The following CXADR variants were observed in gnomAD, a reference collection of about 807,000 sequenced individuals.
CXADR encodes coxsackievirus and adenovirus receptor.
Under a neutral mutation model 40.3 loss-of-function variants are expected in CXADR, and 20 were observed. That is an observed-to-expected ratio of 0.50 (90% CI 0.35 to 0.72). The LOEUF (loss-of-function observed/expected upper bound fraction) is 0.72. Among genes scored for constraint, CXADR ranks in the 30% least tolerant of loss-of-function variants. CXADR has a pLI of 0.01. For synonymous variants in CXADR, 150 were observed against 161.3 expected (o/e 0.93, Z 0.53); for missense variants, 332 against 449.1 (o/e 0.74, Z 2.36).
intron 3 of CXADR, among the ~76,000 whole-genome samples, chr21:17,552,242 A>G (rs1416134476): frequency 6.6e-6 from 1 of 152,180 alleles, no homozygotes; most frequent in Non-Finnish European, 1.5e-5. Flanking sequence ...TAGGAGATCT[A>G]GGGTTTTTGC....
intron 3 of CXADR, among the ~76,000 whole-genome samples, chr21:17,553,800 G>A (rs2061000634): frequency 6.6e-6 from 1 of 151,776 alleles, no homozygotes; most frequent in South Asian, 2.1e-4. Flanking sequence ...TTTATTTTTG[G>A]TAGAGACGGG....
At chr21:17,545,057 A>AT (rs2060877071) in intron 1 of CXADR, among the ~76,000 whole-genome samples, 1 of 132,404 alleles carries the variant, frequency 7.6e-6, no homozygotes. Context: ...TTTACTCCTA[A>AT]TTTTGCTCTA....
At chr21:17,529,796 A>G (rs1459843460) in intron 1 of CXADR, among the ~76,000 whole-genome samples, 1 of 152,100 alleles carries the variant, frequency 6.6e-6, no homozygotes, top group Non-Finnish European at 1.5e-5. Flanking sequence ...TTAGACCATT[A>G]ATTTTTATAA....
chr21:17,525,513 C>G (rs2060588181), intron 1 of CXADR, among the ~76,000 whole-genome samples: 2 of 152,302 alleles, frequency 1.3e-5, no homozygotes, highest in South Asian at 4.1e-4. Context: ...CACTTATTCT[C>G]TTCAGTCTCT....
rs986353834 is a variant in CXADR, at chr21:17,563,003, C to T, written c.833+1527C>T. Reference sequence around the variant, plus strand: ...TTTCTCCATATCAGCAATAAGACTGCTTCACTTTCTTATCGTTCACGTGTT... The same window carrying T: ...TTTCTCCATATCAGCAATAAGACTGTTTCACTTTCTTATCGTTCACGTGTT... On this transcript the variant is annotated intron_variant, in intron 6 of 6. Coordinates refer to ENST00000284878, the MANE Select transcript of CXADR (RefSeq NM_001338.5). Among the ~76,000 whole-genome samples the T allele has an allele frequency of 4.6e-5, 7 of 152,320 alleles. No individual in the cohort carries two copies. In the East Asian group the frequency reaches 1.4e-3, roughly 29 times the overall value.
At chr21:17,520,465 T>C (rs1474933036) in intron 1 of CXADR, among the ~76,000 whole-genome samples, 1 of 152,154 alleles carries the variant, frequency 6.6e-6, no homozygotes, top group Non-Finnish European at 1.5e-5. Flanking sequence ...TGACCACGTT[T>C]TGTGTGGGCA....
intron 1 of CXADR, among the ~76,000 whole-genome samples, chr21:17,513,658 C>T (rs1223700763): frequency 6.6e-6 from 1 of 152,218 alleles, no homozygotes; most frequent in African/African-American, 2.4e-5. Context: ...CATGGAGCTG[C>T]CCGGTGCCTC....
chr21:17,600,638 T>C, the CXADR span, among the ~76,000 whole-genome samples: 2 of 151,890 alleles, frequency 1.3e-5, no homozygotes, highest in Non-Finnish European at 2.9e-5. Flanking sequence ...CTGGGTAACA[T>C]GGTGAGACCC....
At chr21:17,528,498 C>T (rs1256636293) in intron 1 of CXADR, among the ~76,000 whole-genome samples, 4 of 151,530 alleles carry the variant, frequency 2.6e-5, no homozygotes, top group South Asian at 2.1e-4. Flanking sequence ...CTCCACCTCC[C>T]GGGTTCAAGC....
the CXADR span, among the ~76,000 whole-genome samples, chr21:17,620,275 A>C: frequency 2.6e-5 from 4 of 152,180 alleles, no homozygotes; most frequent in African/African-American, 7.2e-5. Flanking sequence ...TTGTAGGGTT[A>C]TTAATTGGCC....
At chr21:17,580,281 T>C (rs549200172) in intron 7 of CXADR, among the ~76,000 whole-genome samples, 2 of 152,246 alleles carry the variant, frequency 1.3e-5, no homozygotes, top group African/African-American at 2.4e-5. Context: ...AAAACACTTA[T>C]GTTCACTCTC....
At chr21:17,560,937 A>G in intron 5 of CXADR, 113 bp downstream of exon 5, 2 of 1,442,414 alleles carry the variant, frequency 1.4e-6, no homozygotes, top group Non-Finnish European at 1.8e-6. Context: ...TTTGATCAGA[A>G]CACTGTGGTT....
rs180995163 is a variant in CXADR at position 17,575,566 on chromosome 21, C to T, written c.1017+9955C>T. ...AGTGCAGTGGCACGATCTCTGCTCA[C>T]TGCAAGCTCCGCCACCCGGGTTCAC... On this transcript the variant is annotated intron_variant, in intron 7 of 7. Coordinates refer to the CXADR transcript ENST00000400169. 5.3e-3 allele frequency among the ~76,000 whole-genome samples: 794 copies of T among 149,930 alleles called. 3 individuals carry two copies. The highest frequency in any genetic ancestry group is 0.019 in the African/African-American group (768 of 40,744).
At chr21:17,585,513 G>A (rs1025728695) in intron 7 of CXADR, among the ~76,000 whole-genome samples, 10 of 151,394 alleles carry the variant, frequency 6.6e-5, no homozygotes, top group East Asian at 3.9e-4. Context: ...TGTGCTTCTG[G>A]GTGTTTAATT....
chr21:17,575,574 T>C (rs1375922698), intron 7 of CXADR, among the ~76,000 whole-genome samples: 1 of 146,832 alleles, frequency 6.8e-6, no homozygotes, highest in African/African-American at 2.5e-5. Context: ...CACTGCAAGC[T>C]CCGCCACCCG....
chr21:17,586,775 A>C (rs539036834), intron 7 of CXADR, among the ~76,000 whole-genome samples: 19 of 152,242 alleles, frequency 1.2e-4, no homozygotes, highest in African/African-American at 4.1e-4. Flanking sequence ...TTTAGGGTAC[A>C]TGTGCACAAC....
intron 7 of CXADR, among the ~76,000 whole-genome samples, chr21:17,585,328 A>G (rs1186058901): frequency 6.6e-6 from 1 of 152,188 alleles, no homozygotes; most frequent in Non-Finnish European, 1.5e-5. Context: ...ACTATAAAAA[A>G]TCATGTTTTA....
chr21:17,580,771 G>A (rs938608321), intron 7 of CXADR, among the ~76,000 whole-genome samples: 2 of 151,902 alleles, frequency 1.3e-5, no homozygotes, highest in Non-Finnish European at 2.9e-5. Context: ...TCTTTTTTGA[G>A]ACAGAGTCTT....
chr21:17,580,430 C>G (rs1362475747), intron 7 of CXADR, among the ~76,000 whole-genome samples: 3 of 152,098 alleles, frequency 2.0e-5, no homozygotes, highest in African/African-American at 7.2e-5. Flanking sequence ...ACCAGCCTGG[C>G]CAACATGGCG....
Sources: gnomAD v4.1 joint callset for allele counts (sites outside exome capture counted in the v4.1 genomes callset) on GRCh38, gnomAD v4.1.1 for gene constraint, MANE v1.5 for transcripts, NCBI Gene and HGNC (gene_info 2026-07-23, HGNC 2026-07-21) for gene names.